PACRGL: variants seen among roughly 807,000 people sequenced by gnomAD.
PACRGL encodes the protein parkin coregulated like.
In PACRGL, 38 loss-of-function variants were observed where a neutral mutation model predicts 34.5. The observed-to-expected ratio is 1.10, with a 90% CI of 0.85 to 1.44. The LOEUF (loss-of-function observed/expected upper bound fraction) is 1.44. Ranked by LOEUF, PACRGL falls within the 40% of genes most tolerant of loss-of-function variation. The probability of loss-of-function intolerance (pLI) is 0.00; values close to 1 mark genes in which losing one functional copy is unlikely to be tolerated. For synonymous variants in PACRGL, 128 were observed against 100.1 expected (o/e 1.28, Z -1.66); for missense variants, 305 against 281.4 (o/e 1.08, Z -0.60).
intron 8 of PACRGL, among the ~76,000 whole-genome samples, chr4:20,738,110 A>G (rs1750115651): frequency 6.6e-6 from 1 of 151,582 alleles, no homozygotes; most frequent in Non-Finnish European, 1.5e-5. Flanking sequence ...AGCCTGGATG[A>G]CAGACCAAGA....
the PACRGL span, among the ~76,000 whole-genome samples, chr4:20,760,240 G>A: frequency 3.3e-5 from 5 of 152,008 alleles, no homozygotes; most frequent in African/African-American, 4.8e-5. Context: ...GCACTCCCAC[G>A]CCACCTAACG....
chr4:20,708,670 T>G lies in PACRGL; in HGVS notation c.275+800T>G, dbSNP rs74358722. Among the ~76,000 whole-genome samples, 1,228 of 152,254 alleles carry G rather than the reference T, an allele frequency of 8.1e-3. 27 individuals carry two copies. The highest frequency in any genetic ancestry group is 0.028 in the African/African-American group (1,157 of 41,544). On this transcript the variant is annotated intron_variant, in intron 4 of 8. Coordinates refer to ENST00000503585, the MANE Select transcript of PACRGL (RefSeq NM_001258345.3). ...CAATATTAGAGAGACGTCTTACTCTTATGAAAATAAGCCCAAAGGAGTCAA... is the reference window on the plus strand; with the variant it reads ...CAATATTAGAGAGACGTCTTACTCTGATGAAAATAAGCCCAAAGGAGTCAA...
intron 7 of PACRGL, among the ~76,000 whole-genome samples, chr4:20,719,291 A>G (rs1484747311): frequency 6.6e-6 from 1 of 152,134 alleles, no homozygotes; most frequent in South Asian, 2.1e-4. Context: ...TCCTGGAGTC[A>G]TTGATTTTTT....
upstream of PACRGL, among the ~76,000 whole-genome samples, chr4:20,699,223 AT>A (rs36062451): frequency 0.36 from 54,764 of 150,632 alleles, 10,245 homozygotes; most frequent in African/African-American, 0.44. Context: ...AGGATATAAG[AT>A]TTTTTTTTTT....
downstream of PACRGL, among the ~76,000 whole-genome samples, chr4:20,736,321 A>C (rs937616050): frequency 1.3e-5 from 2 of 152,190 alleles, no homozygotes; most frequent in African/African-American, 4.8e-5. Flanking sequence ...TTATTTAACC[A>C]AATTGTTCTT....
At chr4:20,759,656 AAAAG>A in the PACRGL span, among the ~76,000 whole-genome samples, 3 of 152,124 alleles carry the variant, frequency 2.0e-5, no homozygotes, top group African/African-American at 4.8e-5. Context: ...AAAAAAGAAA[AAAAG>A]AAACTTTAAA....
chr4:20,717,921 T>G (rs560292476), intron 7 of PACRGL, among the ~76,000 whole-genome samples: 1 of 152,210 alleles, frequency 6.6e-6, no homozygotes, highest in Non-Finnish European at 1.5e-5. Flanking sequence ...TAAATTACCT[T>G]GGGCAGTATG....
At chr4:20,746,635 A>T (rs994794653) in intron 8 of PACRGL, among the ~76,000 whole-genome samples, 6 of 152,034 alleles carry the variant, frequency 3.9e-5, no homozygotes, top group African/African-American at 1.4e-4. Flanking sequence ...TGACTTTTTC[A>T]TTTTTACATT....
At chr4:20,703,879 G>A (rs1208482593) in intron 1 of PACRGL, among the ~76,000 whole-genome samples, 1 of 152,162 alleles carries the variant, frequency 6.6e-6, no homozygotes, top group African/African-American at 2.4e-5. Context: ...AGGAAAAGGA[G>A]ACAATGGTGA....
At chr4:20,707,273 GA>G (rs1560298910) in intron 3 of PACRGL, among the ~76,000 whole-genome samples, 1 of 152,134 alleles carries the variant, frequency 6.6e-6, no homozygotes, top group African/African-American at 2.4e-5. Flanking sequence ...TAGCAAAACT[GA>G]AAGGTTATGA....
intron 7 of PACRGL, among the ~76,000 whole-genome samples, chr4:20,715,358 G>T (rs1578219490): frequency 6.6e-6 from 1 of 151,768 alleles, no homozygotes; most frequent in South Asian, 2.1e-4. Context: ...CACCAGCATG[G>T]CACATGTATA....
intron 8 of PACRGL, among the ~76,000 whole-genome samples, chr4:20,745,054 T>TG (rs749757103): frequency 3.3e-4 from 51 of 152,304 alleles, no homozygotes; most frequent in Non-Finnish European, 2.2e-4. Context: ...TTGCTAGGAA[T>TG]GGTAGGACAG....
intron 7 of PACRGL, chr4:20,718,941 C>G (rs1477143742): frequency 2.0e-5 from 3 of 152,218 alleles, no homozygotes; most frequent in African/African-American, 7.2e-5. Context: ...TGGAATTCAG[C>G]TGTGAATCCA....
At position 20,730,062 on chromosome 4, in the gene PACRGL, T is replaced by G; in HGVS notation, c.*2721T>G. ...GAATAGTTCACATTTGTCTGTTGGA[T>G]TCAGGATCTATTTGACAAGTTAAAT... is the stretch of plus-strand genomic sequence containing the variant. On this transcript the variant is annotated 3_prime_UTR_variant, in exon 9 of 9. Coordinates refer to ENST00000503585, the MANE Select transcript of PACRGL (RefSeq NM_001258345.3). 6.2e-7 allele frequency: 1 copy of G among 1,604,458 alleles called. No individual in the cohort carries two copies. Among genetic ancestry groups the G allele is most frequent in the South Asian group, 1.1e-5 (1 of 89,160 alleles).
At chr4:20,706,979 T>C (rs1734781650) in intron 3 of PACRGL, among the ~76,000 whole-genome samples, 2 of 152,174 alleles carry the variant, frequency 1.3e-5, no homozygotes, top group South Asian at 2.1e-4. Flanking sequence ...TTCTAAACTT[T>C]TTAAGCACAT....
At chr4:20,705,388 C>T (rs1379863667) in intron 3 of PACRGL, among the ~76,000 whole-genome samples, 1 of 152,072 alleles carries the variant, frequency 6.6e-6, no homozygotes, top group Non-Finnish European at 1.5e-5. Flanking sequence ...TTTCAGCCTT[C>T]GAAGGGGATT....
intron 8 of PACRGL, among the ~76,000 whole-genome samples, chr4:20,746,544 A>AT (rs761770903): frequency 1.2e-4 from 18 of 152,102 alleles, no homozygotes; most frequent in Admixed American, 6.6e-4. Context: ...CCCCCAACTG[A>AT]TAACTGCTAT....
At chr4:20,725,059 A>G (rs1175500729) in intron 8 of PACRGL, among the ~76,000 whole-genome samples, 171 bp downstream of exon 8, 2 of 152,120 alleles carry the variant, frequency 1.3e-5, no homozygotes, top group African/African-American at 2.4e-5. Flanking sequence ...TCTAGGTCAC[A>G]CTGTTCTCAA....
At chr4:20,702,221 G>A (rs1361816043) in intron 1 of PACRGL, 2 of 456,564 alleles carry the variant, frequency 4.4e-6, no homozygotes, top group Non-Finnish European at 8.8e-6. Flanking sequence ...CCACTGAATT[G>A]GTAGGTAGTA....
Sources: gnomAD v4.1 joint callset for allele counts (sites outside exome capture counted in the v4.1 genomes callset) on GRCh38, gnomAD v4.1.1 for gene constraint, MANE v1.5 for transcripts, NCBI Gene and HGNC (gene_info 2026-07-23, HGNC 2026-07-21) for gene names.